Variants in SH3BP2 observed in about 807,000 individuals in gnomAD.
SH3BP2 encodes SH3 domain binding protein 2.
A neutral mutation model predicts 56.2 loss-of-function variants in SH3BP2; 38 were observed. The observed-to-expected ratio is 0.68, with a 90% CI of 0.52 to 0.89. SH3BP2 has a LOEUF of 0.89. SH3BP2 is among the 40% of genes least tolerant of loss of function. The pLI, the probability that SH3BP2 is intolerant of heterozygous loss-of-function variation, is 0.00. For missense variants in SH3BP2, 748 were observed against 762.6 expected, an observed-to-expected ratio of 0.98 and a Z score of 0.23; for synonymous variants, 346 against 316.7, an observed-to-expected ratio of 1.09 and a Z score of -0.98.
intron 5 of SH3BP2, chr4:2,827,003 C>G: frequency 1.5e-6 from 1 of 678,270 alleles, no homozygotes. Flanking sequence ...ATGTGTGTGT[C>G]TGTCAGCGTA....
At chr4:2,826,913 A>G (rs1184393431) in intron 5 of SH3BP2, 1 of 557,678 alleles carries the variant, frequency 1.8e-6, no homozygotes, top group Non-Finnish European at 3.4e-6. Context: ...GTGTATATAT[A>G]TCCATGCCTG....
At chr4:2,832,508 C>T in intron 11 of SH3BP2, 96 bp downstream of exon 11, 1 of 885,220 alleles carries the variant, frequency 1.1e-6, no homozygotes, top group South Asian at 1.3e-5. Flanking sequence ...AAACCACTCC[C>T]CTTGTGGACT....
intron 1 of SH3BP2, among the ~76,000 whole-genome samples, chr4:2,802,689 ATATG>A (rs1336144877): frequency 7.3e-6 from 1 of 137,570 alleles, no homozygotes; most frequent in East Asian, 2.0e-4. Flanking sequence ...ATATATGTAT[ATATG>A]TATGTATGTA....
chr4:2,808,072 A>T (rs75948462), intron 1 of SH3BP2, among the ~76,000 whole-genome samples: 1 of 150,614 alleles, frequency 6.6e-6, no homozygotes, highest in Non-Finnish European at 1.5e-5. Context: ...TGCCCTAAGA[A>T]AGTTCCACAC....
chr4:2,823,222 G>A (rs1022873931), intron 3 of SH3BP2, among the ~76,000 whole-genome samples, 185 bp downstream of exon 3: 3 of 152,188 alleles, frequency 2.0e-5, no homozygotes, highest in Non-Finnish European at 4.4e-5. Flanking sequence ...CGCGTGTCCT[G>A]CCCTCAGGCG....
At chr4:2,802,950 G>A (rs555399323) in intron 1 of SH3BP2, among the ~76,000 whole-genome samples, 77 of 152,300 alleles carry the variant, frequency 5.1e-4, no homozygotes, top group African/African-American at 1.8e-3. Context: ...TGGGGGCCAC[G>A]CCTGGGCCCC....
At chr4:2,799,882 GGGA>G (rs1723190791) in intron 1 of SH3BP2, among the ~76,000 whole-genome samples, 1 of 152,200 alleles carries the variant, frequency 6.6e-6, no homozygotes, top group Non-Finnish European at 1.5e-5. Flanking sequence ...GTTTTGAAAA[GGGA>G]GAGGGGCTAG....
Position 2,831,180 on chromosome 4 carries a change from G to A in SH3BP2, c.1242-391G>A, listed in dbSNP as rs897709083. ...AGGGACGCCATGGGCGTCCTTTGGG[G>A]TCACACTGCATTGTTCATCCAGTTC... is the stretch of plus-strand genomic sequence containing the variant. On this transcript the variant is annotated intron_variant, in intron 8 of 12. Transcript: ENST00000503393. This position sits in a 1 kb window ranked among gnomAD's most constrained non-coding sequence, Gnocchi z 4.1. Among the ~76,000 whole-genome samples, 3 of 152,208 alleles carry A rather than the reference G, an allele frequency of 2.0e-5. No homozygotes were observed. The highest frequency in any genetic ancestry group is 4.4e-5 in the Non-Finnish European group (3 of 68,034).
chr4:2,799,271 C>T (rs1055371225), intron 1 of SH3BP2: 10 of 985,342 alleles, frequency 1.0e-5, no homozygotes, highest in Non-Finnish European at 1.2e-5. Context: ...GGACTTCGCT[C>T]AGCTTCAGAC....
chr4:2,825,593 T>TGC (rs1724571700), intron 5 of SH3BP2, among the ~76,000 whole-genome samples: 1 of 148,914 alleles, frequency 6.7e-6, no homozygotes, highest in South Asian at 2.1e-4. Flanking sequence ...CACACAGACA[T>TGC]GCACACACAC....
intron 8 of SH3BP2, among the ~76,000 whole-genome samples, 182 bp downstream of exon 8, chr4:2,830,329 C>G (rs778457749): frequency 1.6e-4 from 24 of 152,218 alleles, no homozygotes; most frequent in Non-Finnish European, 2.9e-4. Context: ...GGAGCATGTC[C>G]ATGACTCAGC....
intron 1 of SH3BP2, among the ~76,000 whole-genome samples, chr4:2,807,606 A>G (rs982746470): frequency 1.3e-5 from 2 of 152,202 alleles, no homozygotes; most frequent in Non-Finnish European, 2.9e-5. Context: ...AGGTGACTGC[A>G]GGTACCAGGA....
chr4:2,823,001 C>A lies in SH3BP2; in HGVS notation c.203C>A (p.Ser68Tyr). 1 of 1,614,096 alleles carries A rather than the reference C, an allele frequency of 6.2e-7. No homozygotes were observed. ...TACTTCAAGAGTAGCACCTCTGCCTCCCCGCAGGGCGCCTTCTCCCTGAGT... is the reference window on the plus strand; with the variant it reads ...TACTTCAAGAGTAGCACCTCTGCCTACCCGCAGGGCGCCTTCTCCCTGAGT... ...VYYFKSSTSASPQGAFSLSGY... is the reference protein window; with the variant it reads ...VYYFKSSTSAYPQGAFSLSGY... Residue 68 changes from serine to tyrosine, a missense_variant, in exon 3 of 13, where the codon TCC becomes TAC. Physicochemically the swap from Ser to Tyr is moderately radical, Grantham distance 144. Transcript: ENST00000503393.
At position 2,829,767 on chromosome 4, in the gene SH3BP2, C is replaced by T. The variant is rs376641544; in HGVS notation, c.861C>T (p.Thr287=). The T allele has an allele frequency of 1.9e-5, 31 of 1,612,936 alleles. No individual in the cohort carries two copies. The highest frequency in any genetic ancestry group is 2.7e-5 in the African/African-American group (2 of 74,914). ...MSDPPLSTMP[T]APGLRKPPCF... is the part of the protein sequence containing the mutation. ...ATCCCCCTCTGAGCACCATGCCCAC[C>T]GCACCCGGCCTCCGGAAACCCCCTT... The change falls in exon 8 of 13, where the codon ACC becomes ACT. Residue 287 remains threonine (T), a synonymous_variant. Transcript: ENST00000503393. This position sits in a 1 kb window ranked among gnomAD's most constrained non-coding sequence, Gnocchi z 4.9.
At chr4:2,833,525 G>C in intron 12 of SH3BP2, 172 bp from the exon 13 acceptor site, 1 of 745,594 alleles carries the variant, frequency 1.3e-6, no homozygotes, top group South Asian at 1.6e-5. Flanking sequence ...TGGGAACATG[G>C]AGAGCACAGG....
At chr4:2,803,724 C>A (rs1247275562) in intron 1 of SH3BP2, among the ~76,000 whole-genome samples, 1 of 152,102 alleles carries the variant, frequency 6.6e-6, no homozygotes, top group African/African-American at 2.4e-5. Context: ...CTCTTACCTG[C>A]AACCCCAGGG....
chr4:2,816,655 G>A (rs931151810), intron 1 of SH3BP2, among the ~76,000 whole-genome samples: 5 of 152,232 alleles, frequency 3.3e-5, no homozygotes, highest in Non-Finnish European at 4.4e-5. Context: ...TCATGGAGGA[G>A]TGTTGAATTT....
chr4:2,829,794 C>T lies in SH3BP2; in HGVS notation c.888C>T (p.Cys296=). The T allele has an allele frequency of 6.2e-7, 1 of 1,613,256 alleles. No homozygotes were observed. The highest frequency in any genetic ancestry group is 8.5e-7 in the Non-Finnish European group (1 of 1,179,894). ...CACCCGGCCTCCGGAAACCCCCTTG[C>T]TTCCGGGAGAGTGCCAGCCCCAGCC... ...PTAPGLRKPP[C]FRESASPSPE... The change falls in exon 8 of 13, where the codon TGC becomes TGT. Residue 296 remains cysteine (C), a synonymous_variant. Transcript: ENST00000503393. This position sits in a 1 kb window ranked among gnomAD's most constrained non-coding sequence, Gnocchi z 4.9.
intron 12 of SH3BP2, chr4:2,833,327 A>G (rs1725101888): frequency 1.7e-6 from 1 of 580,994 alleles, no homozygotes; most frequent in Non-Finnish European, 3.1e-6. Flanking sequence ...TTGCGGGGAC[A>G]GGGGTCTCAC....
Sources: gnomAD v4.1 joint callset for allele counts (sites outside exome capture counted in the v4.1 genomes callset) on GRCh38, gnomAD v4.1.1 for gene constraint, Gnocchi (gnomAD v3.1) non-coding constraint, MANE v1.5 for transcripts, NCBI Gene and HGNC (gene_info 2026-07-23, HGNC 2026-07-21) for gene names.